The following SPTB variants were observed in gnomAD, a reference collection of about 807,000 sequenced individuals.
SPTB encodes spectrin beta, erythrocytic.
SPTB carries 45 observed loss-of-function variants against 256.2 expected under a neutral mutation model. The ratio of observed to expected loss-of-function variants is 0.18; its 90% confidence interval spans 0.14 to 0.23. The LOEUF (loss-of-function observed/expected upper bound fraction) is 0.23. SPTB is among the 10% of genes least tolerant of loss of function. The pLI is 1.00. For synonymous variants in SPTB, 1,231 were observed against 1,243.1 expected (o/e 0.99, Z 0.21); for missense variants, 2,715 against 3,040.4 (o/e 0.89, Z 2.52).
In SPTB at chr14:64,853,997, G is replaced by A. The variant is rs574262962; in HGVS notation, c.-52+25795C>T. Among the ~76,000 whole-genome samples, 312 of 152,194 alleles carry A rather than the reference G, an allele frequency of 2.1e-3. No individual in the cohort carries two copies. Among genetic ancestry groups the A allele is most frequent in the African/African-American group, 7.4e-3 (308 of 41,540 alleles). On this transcript the variant is annotated intron_variant, in intron 1 of 35. Transcript: ENST00000644917. This position sits in a 1 kb window ranked among gnomAD's most constrained non-coding sequence, Gnocchi z 4.3. ...ACCTGAGGTCAGGAGTTCAAGAACAGCCTGGCCAAAATGGCAAAACCCCGG... is the reference window on the plus strand; with the variant it reads ...ACCTGAGGTCAGGAGTTCAAGAACAACCTGGCCAAAATGGCAAAACCCCGG...
intron 1 of SPTB, among the ~76,000 whole-genome samples, chr14:64,831,551 C>G (rs2083451125): frequency 6.6e-6 from 1 of 152,226 alleles, no homozygotes; most frequent in Non-Finnish European, 1.5e-5. Flanking sequence ...AATATAGATG[C>G]TGATGTGGAA....
chr14:64,830,666 C>T (rs1227282579), intron 1 of SPTB, among the ~76,000 whole-genome samples: 1 of 152,186 alleles, frequency 6.6e-6, no homozygotes, highest in East Asian at 1.9e-4. Context: ...TCTCTTCCCA[C>T]TTGGTCCATC....
In SPTB at chr14:64,802,945, G is replaced by T. The variant is rs901429525; in HGVS notation, c.475-628C>A. ...GATGAGTACTATACTTTCATTAGCAGCTCCTCTTGCCTTTCCATTCTCCCC... is the reference window on the plus strand; with the variant it reads ...GATGAGTACTATACTTTCATTAGCATCTCCTCTTGCCTTTCCATTCTCCCC... On this transcript the variant is annotated intron_variant, in intron 4 of 35. Coordinates refer to ENST00000644917, the MANE Select transcript of SPTB (RefSeq NM_001355436.2). This position sits in a 1 kb window ranked among gnomAD's most constrained non-coding sequence, Gnocchi z 5.1. Among the ~76,000 whole-genome samples, 7 of 152,170 alleles carry T rather than the reference G, an allele frequency of 4.6e-5. No homozygotes were observed. The highest frequency in any genetic ancestry group is 1.7e-4 in the African/African-American group (7 of 41,432).
intron 1 of SPTB, among the ~76,000 whole-genome samples, chr14:64,846,802 T>C (rs529224660): frequency 2.8e-4 from 42 of 152,358 alleles, no homozygotes; most frequent in African/African-American, 1.0e-3. Flanking sequence ...CCACTGATCC[T>C]TCACATTCTT....
At position 64,758,807 on chromosome 14, in the gene SPTB, GAC is replaced by G. The variant is rs1405636514; in HGVS notation, c.6346-5016_6346-5015del. On this transcript the variant is annotated intron_variant, in intron 32 of 35. Coordinates refer to ENST00000644917, the MANE Select transcript of SPTB (RefSeq NM_001355436.2). This position sits in a 1 kb window ranked among gnomAD's most constrained non-coding sequence, Gnocchi z 4.6. ...CGGGGGAGGAGGGGTGTGGGAGCCT[GAC>G]ACAGCCCTGCAAGTATGTGAGTGTG... 1.3e-5 allele frequency among the ~76,000 whole-genome samples: 2 copies of G among 152,168 alleles called. No homozygotes were observed. The highest frequency in any genetic ancestry group is 1.5e-5 in the Non-Finnish European group (1 of 68,028).
At chr14:64,879,472 C>T (rs1883002651) in intron 1 of SPTB, among the ~76,000 whole-genome samples, 1 of 152,226 alleles carries the variant, frequency 6.6e-6, no homozygotes, top group Non-Finnish European at 1.5e-5. Context: ...CGAGAACACG[C>T]ACCCCCGTCA....
chr14:64,761,229 G>A (rs2082088907), intron 32 of SPTB, among the ~76,000 whole-genome samples: 1 of 152,216 alleles, frequency 6.6e-6, no homozygotes, highest in African/African-American at 2.4e-5. Context: ...GGCTGTCACT[G>A]GGTGGGTTGG....
In SPTB at chr14:64,866,402, G is replaced by A. The variant is rs79537328; in HGVS notation, c.-52+13390C>T. ...CGCTGCCCTCAGGTCCCTCTCACAA[G>A]GCCTAACTTTGTCCCCTGCCCTTCT... On this transcript the variant is annotated intron_variant, in intron 1 of 35. Coordinates refer to ENST00000644917, the MANE Select transcript of SPTB (RefSeq NM_001355436.2). This position sits in a 1 kb window ranked among gnomAD's most constrained non-coding sequence, Gnocchi z 4.6. Among the ~76,000 whole-genome samples, 142 of 152,236 alleles carry A rather than the reference G, an allele frequency of 9.3e-4. 1 individual carries two copies. The East Asian group carries it at 0.024, about 25-fold the overall frequency.
chr14:64,831,281 T>C (rs1217674164), intron 1 of SPTB, among the ~76,000 whole-genome samples: 5 of 152,216 alleles, frequency 3.3e-5, no homozygotes, highest in African/African-American at 1.2e-4. Flanking sequence ...TCTAGCTTTT[T>C]CTCTTTTCCG....
At chr14:64,828,626 C>T (rs1181412938) in intron 1 of SPTB, among the ~76,000 whole-genome samples, 1 of 152,186 alleles carries the variant, frequency 6.6e-6, no homozygotes, top group Non-Finnish European at 1.5e-5. Flanking sequence ...GATTCTTGGG[C>T]TTAATATCTA....
At chr14:64,822,856 A>C in intron 2 of SPTB, 91 bp downstream of exon 2, 1 of 1,577,098 alleles carries the variant, frequency 6.3e-7, no homozygotes, top group Non-Finnish European at 8.7e-7. Flanking sequence ...GGGCTCACCC[A>C]ACACACACAG....
intron 4 of SPTB, among the ~76,000 whole-genome samples, chr14:64,803,204 G>A (rs1218069983): frequency 6.6e-6 from 1 of 151,968 alleles, no homozygotes; most frequent in African/African-American, 2.4e-5. Flanking sequence ...TGAATTTCAG[G>A]GTGAGAAGAG....
At position 64,802,442 on chromosome 14, in the gene SPTB, C is replaced by A. The variant is rs189573227; in HGVS notation, c.475-125G>T. On this transcript the variant is annotated intron_variant, in intron 4 of 35. Transcript: ENST00000644917. This position sits in a 1 kb window ranked among gnomAD's most constrained non-coding sequence, Gnocchi z 5.1. ...TTAACACTAATTCATCCTTTAAGAG[C>A]CAGTATAAATGGCGCTTGGGTTGGG... 9 of 914,308 alleles carry A rather than the reference C, an allele frequency of 9.8e-6. No individual in the cohort carries two copies. Among genetic ancestry groups the A allele is most frequent in the South Asian group, 8.4e-5 (6 of 71,328 alleles). The allele number at this position is 914,308 out of a possible 1,614,324, so 56.6% of individuals were successfully genotyped here.
chr14:64,783,991 T>G (rs1184069062), intron 19 of SPTB, among the ~76,000 whole-genome samples: 1 of 152,198 alleles, frequency 6.6e-6, no homozygotes, highest in Non-Finnish European at 1.5e-5. Flanking sequence ...ACACTGAAGC[T>G]CTAACTAGAT....
At chr14:64,857,662 A>C (rs760379470) in intron 1 of SPTB, among the ~76,000 whole-genome samples, 13 of 151,922 alleles carry the variant, frequency 8.6e-5, no homozygotes, top group Non-Finnish European at 1.9e-4. Flanking sequence ...TGAAAAATAT[A>C]AATTATTTCT....
chr14:64,867,318 A>AC (rs1346687818), intron 1 of SPTB, among the ~76,000 whole-genome samples: 2 of 151,656 alleles, frequency 1.3e-5, no homozygotes, highest in East Asian at 3.9e-4. Context: ...TGAGCACTGC[A>AC]CATAAGCCAG....
intron 1 of SPTB, among the ~76,000 whole-genome samples, chr14:64,858,525 C>G (rs2083908955): frequency 6.6e-6 from 1 of 151,870 alleles, no homozygotes; most frequent in African/African-American, 2.4e-5. Context: ...CCACAGGTGA[C>G]TGGAAGAAGA....
At position 64,787,102 on chromosome 14, in the gene SPTB, G is replaced by C; in HGVS notation, c.2863C>G (p.Arg955Gly). 6.2e-7 allele frequency: 1 copy of C among 1,609,280 alleles called. No individual in the cohort carries two copies. Among genetic ancestry groups the C allele is most frequent in the Admixed American group, 1.7e-5 (1 of 60,004 alleles). The change falls in exon 16 of 36, where the codon CGA (arginine) becomes GGA (glycine). Residue 955 changes from arginine (R) to glycine (G), a missense_variant. Coordinates refer to ENST00000644917, the MANE Select transcript of SPTB (RefSeq NM_001355436.2). ...CAATCTACGCAGTAGTTGTGCACTC[G>C]GAGGGCTGAGTCCACAGCCTCCCGC... The part of the protein sequence containing the change: ...ERREAVDSAL[R>G]VHNYCVDCEE...
chr14:64,775,422 G>A lies in SPTB; in HGVS notation c.4564-19C>T. ...GCAGTGTCTGCGGCCAGAAGGAAGG[G>A]CTCGGGGCAGGGCCTTCCCACCATG... On this transcript the variant is annotated intron_variant, in intron 22 of 35. Coordinates refer to ENST00000644917, the MANE Select transcript of SPTB (RefSeq NM_001355436.2). This position sits in a 1 kb window ranked among gnomAD's most constrained non-coding sequence, Gnocchi z 5.0. 2 of 1,608,498 alleles carry A rather than the reference G, an allele frequency of 1.2e-6. No homozygotes were observed. Among genetic ancestry groups the A allele is most frequent in the East Asian group, 2.2e-5 (1 of 44,776 alleles).
Sources: gnomAD v4.1 joint callset for allele counts (sites outside exome capture counted in the v4.1 genomes callset) on GRCh38, gnomAD v4.1.1 for gene constraint, Gnocchi (gnomAD v3.1) non-coding constraint, MANE v1.5 for transcripts, NCBI Gene and HGNC (gene_info 2026-07-23, HGNC 2026-07-21) for gene names.